Variants in DOK6 observed in about 807,000 individuals in gnomAD.
DOK6 encodes downstream of tyrosine kinase 6.
DOK6 carries 22 observed loss-of-function variants against 44.0 expected under a neutral mutation model. The ratio of observed to expected loss-of-function variants is 0.50; its 90% confidence interval spans 0.36 to 0.71. The LOEUF is 0.71. Ranked by LOEUF, DOK6 falls within the 30% of genes least tolerant of loss-of-function variation. DOK6 has a pLI of 0.00. For missense variants in DOK6, 340 were observed against 416.4 expected (o/e 0.82, Z 1.60); for synonymous variants, 166 against 145.5 (o/e 1.14, Z -1.01).
chr18:69,800,917 T>G (rs1196260106), intron 7 of DOK6, among the ~76,000 whole-genome samples: 1 of 152,174 alleles, frequency 6.6e-6, no homozygotes, highest in Non-Finnish European at 1.5e-5. Flanking sequence ...TTAAAGTACA[T>G]GTTCTTCTGA....
At chr18:69,812,820 G>A (rs189612248) in intron 7 of DOK6, among the ~76,000 whole-genome samples, 269 of 152,238 alleles carry the variant, frequency 1.8e-3, no homozygotes, top group Non-Finnish European at 3.3e-3. Flanking sequence ...GGAAGGAGAA[G>A]TGCTGAGCAA....
At position 69,505,642 on chromosome 18, in the gene DOK6, C is replaced by T. The variant is rs139772617; in HGVS notation, c.67-58845C>T. On this transcript the variant is annotated intron_variant, in intron 1 of 7. Coordinates refer to ENST00000382713, the MANE Select transcript of DOK6 (RefSeq NM_152721.6). ...CCTCCTGAGTAGCTGGGACTACAGGCGCCCACCACCACGCCAAGCTAATTT... is the reference window on the plus strand; with the variant it reads ...CCTCCTGAGTAGCTGGGACTACAGGTGCCCACCACCACGCCAAGCTAATTT... 7.3e-3 allele frequency among the ~76,000 whole-genome samples: 1,106 copies of T among 151,644 alleles called. 18 individuals carry two copies. The highest frequency in any genetic ancestry group is 0.025 in the African/African-American group (1,044 of 41,336).
chr18:69,599,635 G>C (rs1983827517), intron 3 of DOK6, 137 bp downstream of exon 3: 2 of 630,640 alleles, frequency 3.2e-6, no homozygotes, highest in South Asian at 4.3e-5. Context: ...TCGTTCAGAA[G>C]CTCAACGTAT....
intron 1 of DOK6, among the ~76,000 whole-genome samples, chr18:69,423,129 C>T (rs1978541110): frequency 6.6e-6 from 1 of 152,194 alleles, no homozygotes; most frequent in East Asian, 1.9e-4. Flanking sequence ...ATGGGGAAAC[C>T]CCATCTCTAC....
At chr18:69,438,391 C>T (rs1360929764) in intron 1 of DOK6, among the ~76,000 whole-genome samples, 1 of 152,146 alleles carries the variant, frequency 6.6e-6, no homozygotes, top group Non-Finnish European at 1.5e-5. Context: ...AAAGTTTTAT[C>T]TTGAGATTTC....
At chr18:69,708,917 A>G (rs1348878313) in intron 5 of DOK6, among the ~76,000 whole-genome samples, 1 of 152,200 alleles carries the variant, frequency 6.6e-6, no homozygotes, top group Non-Finnish European at 1.5e-5. Flanking sequence ...ATAGGGAATC[A>G]AAAACGAGCC....
chr18:69,537,641 G>A (rs11659595), intron 1 of DOK6, among the ~76,000 whole-genome samples: 4 of 152,072 alleles, frequency 2.6e-5, no homozygotes, highest in Admixed American at 2.6e-4. Context: ...GTTTCTAGAC[G>A]AGTTGGTGAA....
At chr18:69,641,840 C>CAA (rs889439759) in intron 3 of DOK6, among the ~76,000 whole-genome samples, 2 of 151,748 alleles carry the variant, frequency 1.3e-5, no homozygotes, top group African/African-American at 4.8e-5. Context: ...AACACACACA[C>CAA]AAAAAAAGAT....
intron 7 of DOK6, among the ~76,000 whole-genome samples, chr18:69,840,742 C>T (rs527960293): frequency 2.0e-4 from 30 of 152,312 alleles, no homozygotes; most frequent in Non-Finnish European, 3.5e-4. Flanking sequence ...ATTGTAAAAG[C>T]TTTCTTTCTG....
intron 1 of DOK6, among the ~76,000 whole-genome samples, chr18:69,450,876 C>A (rs1979441307): frequency 6.7e-6 from 1 of 148,384 alleles, no homozygotes; most frequent in Non-Finnish European, 1.5e-5. Context: ...ATTTTGTCAC[C>A]ACCAGGCCTG....
intron 2 of DOK6, among the ~76,000 whole-genome samples, chr18:69,565,632 C>T (rs1982959510): frequency 6.6e-6 from 1 of 151,810 alleles, no homozygotes; most frequent in African/African-American, 2.4e-5. Context: ...CCTTGATTTC[C>T]CAAAGTCCTG....
At chr18:69,434,983 A>AAGGAAGGAAG (rs1978918850) in intron 1 of DOK6, among the ~76,000 whole-genome samples, 9 of 84,746 alleles carry the variant, frequency 1.1e-4, no homozygotes, top group Non-Finnish European at 1.6e-4. Context: ...AAGGAAGGAA[A>AAGGAAGGAAG]GAAGGAAGGA....
At chr18:69,548,781 G>A (rs890772258) in intron 1 of DOK6, among the ~76,000 whole-genome samples, 5 of 151,590 alleles carry the variant, frequency 3.3e-5, no homozygotes, top group Admixed American at 3.3e-4. Flanking sequence ...TTAATTGTAA[G>A]AGCTTCAGTT....
At chr18:69,719,055 G>C (rs1986946242) in intron 5 of DOK6, among the ~76,000 whole-genome samples, 1 of 152,150 alleles carries the variant, frequency 6.6e-6, no homozygotes, top group East Asian at 1.9e-4. Flanking sequence ...TAGCCCAATG[G>C]GTTCTTGCTC....
intron 5 of DOK6, among the ~76,000 whole-genome samples, chr18:69,709,416 T>A (rs72965561): frequency 0.092 from 13,946 of 152,252 alleles, 776 homozygotes; most frequent in Non-Finnish European, 0.13. Flanking sequence ...CAATATTTTT[T>A]AAAAAAATAT....
At chr18:69,579,954 T>C (rs1983328274) in intron 2 of DOK6, among the ~76,000 whole-genome samples, 1 of 152,142 alleles carries the variant, frequency 6.6e-6, no homozygotes, top group Non-Finnish European at 1.5e-5. Flanking sequence ...TTCATTGCAG[T>C]TCCATCTTCC....
chr18:69,715,434 G>A (rs1986860488), intron 5 of DOK6, among the ~76,000 whole-genome samples: 1 of 152,194 alleles, frequency 6.6e-6, no homozygotes, highest in Non-Finnish European at 1.5e-5. Flanking sequence ...TCAGGTCCCA[G>A]GGCAGGATGC....
At chr18:69,576,116 G>A (rs1983232286) in intron 2 of DOK6, among the ~76,000 whole-genome samples, 1 of 152,132 alleles carries the variant, frequency 6.6e-6, no homozygotes, top group Non-Finnish European at 1.5e-5. Flanking sequence ...AGTTGCCTCT[G>A]AGGTGCAGGT....
intron 3 of DOK6, among the ~76,000 whole-genome samples, chr18:69,607,168 C>T (rs1207374560): frequency 6.6e-6 from 1 of 152,198 alleles, no homozygotes; most frequent in Non-Finnish European, 1.5e-5. Flanking sequence ...ACAACCAGCA[C>T]ATATTGCAAC....
Sources: allele counts gnomAD v4.1 joint callset (sites outside exome capture counted in the v4.1 genomes callset), GRCh38; gene constraint gnomAD v4.1.1; transcripts MANE v1.5; gene names NCBI Gene and HGNC (gene_info 2026-07-23, HGNC 2026-07-21).